Variants in KATNIP observed in about 807,000 individuals in gnomAD.
The protein encoded by KATNIP is katanin-interacting protein.
A neutral mutation model predicts 174.0 loss-of-function variants in KATNIP; 126 were observed. That is an observed-to-expected ratio of 0.72 (90% CI 0.63 to 0.84). The LOEUF is 0.84. Ranked by LOEUF, KATNIP falls within the 40% of genes least tolerant of loss-of-function variation. KATNIP has a pLI of 0.00. For synonymous variants in KATNIP, 810 were observed against 835.7 expected (o/e 0.97, Z 0.53); for missense variants, 1,958 against 2,109.7 (o/e 0.93, Z 1.41).
chr16:27,730,344 G>A (rs1005609175), intron 14 of KATNIP, among the ~76,000 whole-genome samples: 1 of 152,080 alleles, frequency 6.6e-6, no homozygotes, highest in Admixed American at 6.5e-5. Flanking sequence ...TGAGAAACTA[G>A]AGGATCCCAC....
chr16:27,624,974 T>C (rs996445313), intron 3 of KATNIP, among the ~76,000 whole-genome samples: 3 of 151,988 alleles, frequency 2.0e-5, no homozygotes, highest in Admixed American at 6.6e-5. Flanking sequence ...TAGTGTGCCA[T>C]TGGAAAAAGT....
At chr16:27,669,409 C>G in intron 6 of KATNIP, 1 of 475,428 alleles carries the variant, frequency 2.1e-6, no homozygotes. Context: ...AGAGGGCTTT[C>G]TGTTGAAAGG....
At position 27,623,925 on chromosome 16, in the gene KATNIP, G is replaced by A. The variant is rs1294538966; in HGVS notation, c.141-4736G>A. Among the ~76,000 whole-genome samples, 5 of 151,382 alleles carry A rather than the reference G, an allele frequency of 3.3e-5. No individual in the cohort carries two copies. In the East Asian group the frequency reaches 7.9e-4, roughly 24 times the overall value. The stretch of plus-strand genomic sequence containing the variant: ...AAGGGTCCTCATTGCCAGAGGCTCT[G>A]CCATTTCCCCAGCTTGCATGACCTT... On this transcript the variant is annotated intron_variant, in intron 3 of 27. Coordinates refer to ENST00000261588, the MANE Select transcript of KATNIP (RefSeq NM_015202.5).
At chr16:27,748,866 G>C (rs776925263) in intron 15 of KATNIP, among the ~76,000 whole-genome samples, 1 of 152,098 alleles carries the variant, frequency 6.6e-6, no homozygotes, top group African/African-American at 2.4e-5. Context: ...GAAAATAAAA[G>C]TCCTTCCTGC....
chr16:27,606,802 G>A (rs2075722014), intron 2 of KATNIP, among the ~76,000 whole-genome samples: 1 of 151,764 alleles, frequency 6.6e-6, no homozygotes, highest in South Asian at 2.1e-4. Flanking sequence ...CTGGGCTCAA[G>A]CGATCCTCCC....
chr16:27,740,229 T>C lies in KATNIP; in HGVS notation c.1932T>C (p.His644=), dbSNP rs1336203273. The change falls in exon 15 of 28, where the codon CAT becomes CAC. Residue 644 remains histidine, a synonymous_variant. Transcript: ENST00000261588. ...ACTCGGAAGAAAGCAAAGGCACCCATGAGATGGCTGGTGCCAGCGGGGACA... is the reference window on the plus strand; with the variant it reads ...ACTCGGAAGAAAGCAAAGGCACCCACGAGATGGCTGGTGCCAGCGGGGACA... ...NAHSEESKGT[H]EMAGASGDKE... is the part of the protein sequence containing the mutation. 3.1e-6 allele frequency: 5 copies of C among 1,609,888 alleles called. No homozygotes were observed. In the African/African-American group the frequency reaches 6.7e-5, roughly 22 times the overall value.
intron 6 of KATNIP, among the ~76,000 whole-genome samples, chr16:27,663,902 C>T (rs2077604294): frequency 6.6e-6 from 1 of 151,994 alleles, no homozygotes; most frequent in African/African-American, 2.4e-5. Context: ...CCTCAATCTT[C>T]TGGGGTCAAG....
chr16:27,696,697 C>T (rs1419352012), intron 8 of KATNIP, among the ~76,000 whole-genome samples: 2 of 151,472 alleles, frequency 1.3e-5, no homozygotes, highest in Non-Finnish European at 2.9e-5. Flanking sequence ...TATAGTATTC[C>T]GTGGTGTATT....
chr16:27,776,982 CTG>C lies in KATNIP; in HGVS notation c.4507_4508del (p.Trp1503GlufsTer42), dbSNP rs2082521936. 6.2e-7 allele frequency: 1 copy of C among 1,614,008 alleles called. No homozygotes were observed. Among genetic ancestry groups the C allele is most frequent in the Non-Finnish European group, 8.5e-7 (1 of 1,179,842 alleles). On this transcript the variant is annotated frameshift_variant, in exon 25 of 28. Coordinates refer to ENST00000261588, the MANE Select transcript of KATNIP (RefSeq NM_015202.5). LOFTEE classifies it high-confidence loss of function. The surrounding 1 kb of genome is among the most constrained non-coding windows in gnomAD (Gnocchi z 4.7). ...DLPTTVSMIK[L>X]WNYAKTPHRG... The stretch of plus-strand genomic sequence containing the variant: ...GCCTACCACCGTGTCAATGATCAAA[CTG>C]TGGAATTATGCGAAAACACCCCATC...
intron 13 of KATNIP, among the ~76,000 whole-genome samples, chr16:27,710,151 G>A (rs1387291699): frequency 1.3e-5 from 2 of 152,160 alleles, no homozygotes; most frequent in East Asian, 1.9e-4. Context: ...CCTGAGGCCT[G>A]GAGTTCAAGA....
intron 6 of KATNIP, among the ~76,000 whole-genome samples, chr16:27,671,866 GCCAACATGGTAAAAC>G (rs2077918707): frequency 6.6e-6 from 1 of 152,102 alleles, no homozygotes; most frequent in South Asian, 2.1e-4. Flanking sequence ...GACCAGCCTG[GCCAACATGGTAAAAC>G]CCCGTCTCTA....
intron 8 of KATNIP, 97 bp downstream of exon 8, chr16:27,681,627 T>C: frequency 7.2e-7 from 1 of 1,380,604 alleles, no homozygotes; most frequent in East Asian, 2.3e-5. Flanking sequence ...TTACCCTCCT[T>C]GCAGAGGGCT....
Position 27,648,658 on chromosome 16 carries a change from G to A in KATNIP, c.463G>A (p.Val155Met), listed in dbSNP as rs1277082471. The A allele has an allele frequency of 1.2e-6, 2 of 1,614,224 alleles. No homozygotes were observed. Among genetic ancestry groups the A allele is most frequent in the Admixed American group, 3.3e-5 (2 of 60,024 alleles). ...AGPRLHIEPP[V>M]DYSDDFELCG... ...CCCACGGCTCCACATCGAACCTCCT[G>A]TGGACTATTCTGATGATTTTGAGCT... Residue 155 changes from valine (V) to methionine (M), a missense_variant, in exon 6 of 28, where the codon GTG (valine) becomes ATG (methionine). Around this residue, in one of 3 missense-constraint regions of KATNIP, gnomAD observed 1,557 missense variants for 1,617.8 expected, o/e 0.96. Coordinates refer to ENST00000261588, the MANE Select transcript of KATNIP (RefSeq NM_015202.5).
At chr16:27,556,125 TC>T (rs1194732637) in intron 1 of KATNIP, among the ~76,000 whole-genome samples, 18 of 146,536 alleles carry the variant, frequency 1.2e-4, no homozygotes, top group African/African-American at 4.3e-4. Context: ...AGACTCTGTC[TC>T]AAAAAAAAAA....
chr16:27,710,944 G>A (rs2079547160), intron 13 of KATNIP, among the ~76,000 whole-genome samples: 1 of 152,168 alleles, frequency 6.6e-6, no homozygotes, highest in African/African-American at 2.4e-5. Context: ...CTTGACTCTG[G>A]CCTCAGCAAC....
Position 27,777,056 on chromosome 16 carries a change from G to T in KATNIP, c.4551+27G>T, listed in dbSNP as rs952109164. 1.4e-6 allele frequency: 2 copies of T among 1,437,748 alleles called. No homozygotes were observed. Among genetic ancestry groups the T allele is most frequent in the Middle Eastern group, 1.7e-4 (1 of 5,742 alleles). The allele number at this position is 1,437,748 out of a possible 1,614,324, so 89.1% of individuals were successfully genotyped here. A position where few individuals can be genotyped will look rare whatever the true frequency, so the allele number is the denominator to read the frequency against. On this transcript the variant is annotated intron_variant, in intron 25 of 27. Transcript: ENST00000261588. This position sits in a 1 kb window ranked among gnomAD's most constrained non-coding sequence, Gnocchi z 4.4. ...TAAGTACTTATTAGCTGAGTTTTTT[G>T]AGATAATTATGCTCGTTGGTAATTA...
intron 8 of KATNIP, among the ~76,000 whole-genome samples, chr16:27,694,429 A>G (rs2078845014): frequency 6.6e-6 from 1 of 152,166 alleles, no homozygotes; most frequent in Non-Finnish European, 1.5e-5. Context: ...AAATTTCATT[A>G]GTTTGTTTTA....
chr16:27,589,536 G>A (rs1385195744), intron 2 of KATNIP, among the ~76,000 whole-genome samples: 1 of 152,166 alleles, frequency 6.6e-6, no homozygotes, highest in African/African-American at 2.4e-5. Context: ...TATGTGGTGG[G>A]AAATCTGGAA....
chr16:27,686,722 T>C (rs2078538685), intron 8 of KATNIP, among the ~76,000 whole-genome samples: 1 of 152,184 alleles, frequency 6.6e-6, no homozygotes, highest in Non-Finnish European at 1.5e-5. Flanking sequence ...TTTTCCTGTC[T>C]ATTAGCTTGT....
Sources: gnomAD v4.1 joint callset for allele counts (sites outside exome capture counted in the v4.1 genomes callset) on GRCh38, gnomAD v4.1.1 for gene constraint, gnomAD v4.1.1 regional missense constraint, Gnocchi (gnomAD v3.1) non-coding constraint, MANE v1.5 for transcripts, NCBI Gene and HGNC (gene_info 2026-07-23, HGNC 2026-07-21) for gene names.